DNAAF4: variants seen among roughly 807,000 people sequenced by gnomAD.
DNAAF4 encodes the protein dynein assembly factor 4, axonemal.
A neutral mutation model predicts 51.8 loss-of-function variants in DNAAF4; 43 were observed. That is an observed-to-expected ratio of 0.83 (90% CI 0.65 to 1.07). The LOEUF (loss-of-function observed/expected upper bound fraction) is 1.07. Ranked by LOEUF, DNAAF4 falls within the 50% of genes least tolerant of loss-of-function variation. The probability of loss-of-function intolerance (pLI) is 0.00; values close to 1 mark genes in which losing one functional copy is unlikely to be tolerated. For missense variants in DNAAF4, 581 were observed against 493.0 expected, an observed-to-expected ratio of 1.18 and a Z score of -1.69; for synonymous variants, 194 against 165.6, an observed-to-expected ratio of 1.17 and a Z score of -1.32.
chr15:55,450,267 T>C lies in DNAAF4; in HGVS notation c.738A>G (p.Val246=). The change falls in exon 6 of 10, where the codon GTA becomes GTG. Residue 246 remains valine, a synonymous_variant. Coordinates refer to ENST00000321149, the MANE Select transcript of DNAAF4 (RefSeq NM_130810.4). ...GSIKINFTPR[V]FPTALRESQV... ...GTGATTCACGAAGAGCTGTTGGGAA[T>C]ACTCGAGGGGTAAAGTTGATTTTAA... 1 of 1,614,066 alleles carries C rather than the reference T, an allele frequency of 6.2e-7. No homozygotes were observed. Among genetic ancestry groups the C allele is most frequent in the South Asian group, 1.1e-5 (1 of 91,046 alleles).
At chr15:55,450,037 T>C (rs1363760907) in intron 6 of DNAAF4, among the ~76,000 whole-genome samples, 185 bp downstream of exon 6, 1 of 152,142 alleles carries the variant, frequency 6.6e-6, no homozygotes, top group Non-Finnish European at 1.5e-5. Flanking sequence ...CTTATCACTA[T>C]TCTGGAGCCA....
rs570035298 is a variant in DNAAF4, at chr15:55,501,038, T to C, written c.-255-2454A>G. On this transcript the variant is annotated intron_variant, in intron 1 of 9. Transcript: ENST00000321149. ...ATGGAAACTTAAAAAAAAAAATACC[T>C]GTATGATATTGGAGTAAGAAAGGAT... Among the ~76,000 whole-genome samples the C allele has an allele frequency of 2.0e-5, 3 of 148,576 alleles. No homozygotes were observed. In the East Asian group the frequency reaches 5.9e-4, roughly 29 times the overall value.
At chr15:55,433,869 T>C (rs1341777650) in intron 8 of DNAAF4, among the ~76,000 whole-genome samples, 3 of 51,732 alleles carry the variant, frequency 5.8e-5, no homozygotes, top group African/African-American at 7.4e-5. Context: ...ATATATATTA[T>C]ATATATTACA....
intron 6 of DNAAF4, among the ~76,000 whole-genome samples, chr15:55,446,939 A>G (rs1211210218): frequency 9.1e-5 from 11 of 121,510 alleles, no homozygotes; most frequent in Non-Finnish European, 1.3e-4. Flanking sequence ...GGCGCTCCTC[A>G]CATCCCAGAT....
intron 4 of DNAAF4, among the ~76,000 whole-genome samples, chr15:55,479,375 C>G (rs950258978): frequency 1.3e-5 from 2 of 151,934 alleles, no homozygotes; most frequent in African/African-American, 4.8e-5. Flanking sequence ...TAATTTATGC[C>G]TGTCTTTACT....
At position 55,421,749 on chromosome 15, in the gene DNAAF4, C is replaced by T. The variant is rs1166579746; in HGVS notation, c.1048-3616G>A. On this transcript the variant is annotated intron_variant, in intron 7 of 7. Transcript: ENST00000448430. ...TAAAAATACAAAAAAAATTAGCTGGCATGGTGGCGCATGCCTGTAATCCCA... is the reference window on the plus strand; with the variant it reads ...TAAAAATACAAAAAAAATTAGCTGGTATGGTGGCGCATGCCTGTAATCCCA... Among the ~76,000 whole-genome samples, 3 of 151,690 alleles carry T rather than the reference C, an allele frequency of 2.0e-5. No individual in the cohort carries two copies. In the East Asian group the frequency reaches 5.8e-4, roughly 29 times the overall value.
rs146752205 is a variant in DNAAF4 at position 55,437,296 on chromosome 15, G to A, written c.893+2176C>T. Among the ~76,000 whole-genome samples, 7 of 152,306 alleles carry A rather than the reference G, an allele frequency of 4.6e-5. No homozygotes were observed. The East Asian group carries it at 9.6e-4, about 21-fold the overall frequency. ...AATAGGAAGGAAGAAAGGAAGAAGA[G>A]AAAGAGGAGGAAAGATTATATATGG... On this transcript the variant is annotated intron_variant, in intron 7 of 9. Transcript: ENST00000321149.
Position 55,501,537 on chromosome 15 carries a change from G to C in DNAAF4, c.-255-2953C>G, listed in dbSNP as rs374938715. 2.4e-4 allele frequency among the ~76,000 whole-genome samples: 36 copies of C among 147,136 alleles called. No homozygotes were observed. The East Asian group carries it at 7.4e-3, about 30-fold the overall frequency. ...ACTACAGGTGCCCGCCACCGCATCC[G>C]GCTGATTTTTTGCATTTTTAGTAGA... On this transcript the variant is annotated intron_variant, in intron 1 of 9. Coordinates refer to ENST00000321149, the MANE Select transcript of DNAAF4 (RefSeq NM_130810.4).
At chr15:55,439,385 C>A in intron 7 of DNAAF4, 87 bp downstream of exon 7, 2 of 1,156,530 alleles carry the variant, frequency 1.7e-6, no homozygotes, top group Non-Finnish European at 2.5e-6. Context: ...GCTGGGATTA[C>A]AGGCATGAGC....
At chr15:55,433,827 T>TA (rs1329814503) in intron 8 of DNAAF4, among the ~76,000 whole-genome samples, 4 of 83,926 alleles carry the variant, frequency 4.8e-5, no homozygotes, top group Non-Finnish European at 6.7e-5. Context: ...ATATTATATA[T>TA]ATTACATATA....
downstream of DNAAF4, among the ~76,000 whole-genome samples, chr15:55,427,574 T>A (rs1397647133): frequency 6.6e-6 from 1 of 152,112 alleles, no homozygotes; most frequent in Non-Finnish European, 1.5e-5. Flanking sequence ...TGCAAAATAT[T>A]GTAAACACTG....
In DNAAF4 at chr15:55,467,120, T is replaced by A. The variant is rs1464659863; in HGVS notation, c.447A>T (p.Glu149Asp). The change falls in exon 5 of 10, where the codon GAA becomes GAT. Residue 149 changes from glutamate (E) to aspartate (D), a missense_variant. Coordinates refer to ENST00000321149, the MANE Select transcript of DNAAF4 (RefSeq NM_130810.4). The part of the protein sequence containing the change: ...EERKKIEDMK[E>D]NERIKATKAL... ...CTTTAGTGGCTTTTATCCGTTCATTTTCTTTCATATCTTCTATTTTTTTCC... is the reference window on the plus strand; with the variant it reads ...CTTTAGTGGCTTTTATCCGTTCATTATCTTTCATATCTTCTATTTTTTTCC... 1.9e-6 allele frequency: 3 copies of A among 1,542,650 alleles called. No homozygotes were observed. The highest frequency in any genetic ancestry group is 2.4e-5 in the East Asian group (1 of 41,898).
At chr15:55,450,688 A>G (rs2057918505) in intron 5 of DNAAF4, among the ~76,000 whole-genome samples, 1 of 152,190 alleles carries the variant, frequency 6.6e-6, no homozygotes, top group Non-Finnish European at 1.5e-5. Flanking sequence ...CAAAACCACC[A>G]CTGCCAATAC....
In DNAAF4 at chr15:55,421,187, CA is replaced by C. The variant is rs35897132; in HGVS notation, c.1048-3055del. The stretch of plus-strand genomic sequence containing the variant: ...CCTGGGCAACAGAGTGAGACTATCT[CA>C]AAAAAAAAAAAAAAAAAATTCTCAG... On this transcript the variant is annotated intron_variant, in intron 7 of 7. Coordinates refer to the DNAAF4 transcript ENST00000448430. Among the ~76,000 whole-genome samples the C allele has an allele frequency of 8.8e-3, 968 of 110,216 alleles. 6 individuals are homozygous for C. Among genetic ancestry groups the C allele is most frequent in the African/African-American group, 0.017 (481 of 28,508 alleles). 72.3% of individuals were successfully genotyped at this position (110,216 alleles called of 152,430 possible).
intron 8 of DNAAF4, 23 bp downstream of exon 8, chr15:55,434,882 A>G (rs145658416): frequency 1.8e-5 from 28 of 1,566,414 alleles, no homozygotes; most frequent in Non-Finnish European, 2.4e-5. Context: ...AAAGCACCAT[A>G]TATCATACAT....
intron 1 of DNAAF4, among the ~76,000 whole-genome samples, chr15:55,501,541 G>A (rs1309850957): frequency 7.0e-6 from 1 of 143,280 alleles, no homozygotes; most frequent in Non-Finnish European, 1.5e-5. Flanking sequence ...GCATCCGGCT[G>A]ATTTTTTGCA....
intron 6 of DNAAF4, among the ~76,000 whole-genome samples, chr15:55,447,447 C>T (rs886440889): frequency 6.6e-6 from 1 of 151,800 alleles, no homozygotes; most frequent in African/African-American, 2.4e-5. Context: ...GAGGTTGTAG[C>T]GAGCCGAGAT....
chr15:55,429,941 G>T (rs1334709985), downstream of DNAAF4, among the ~76,000 whole-genome samples: 1 of 152,088 alleles, frequency 6.6e-6, no homozygotes, highest in Non-Finnish European at 1.5e-5. Flanking sequence ...AAATGATGGT[G>T]CAGTCCAATA....
intron 5 of DNAAF4, among the ~76,000 whole-genome samples, chr15:55,457,384 T>C (rs990961371): frequency 1.3e-5 from 2 of 151,914 alleles, no homozygotes; most frequent in Non-Finnish European, 2.9e-5. Context: ...CCACCCCCAC[T>C]GTGGCCACAG....
Sources: allele counts gnomAD v4.1 joint callset (sites outside exome capture counted in the v4.1 genomes callset), GRCh38; gene constraint gnomAD v4.1.1; transcripts MANE v1.5; gene names NCBI Gene and HGNC (gene_info 2026-07-23, HGNC 2026-07-21).